Variants in GUCY1A2 observed in about 807,000 individuals in gnomAD.
The protein encoded by GUCY1A2 is guanylate cyclase 1 soluble subunit alpha 2, also known as guanylate cyclase soluble subunit alpha-2.
Under a neutral mutation model 63.5 loss-of-function variants are expected in GUCY1A2, and 27 were observed. The observed-to-expected ratio is 0.43, with a 90% CI of 0.31 to 0.59. The LOEUF (loss-of-function observed/expected upper bound fraction) is 0.59. Among genes scored for constraint, GUCY1A2 ranks in the 20% least tolerant of loss-of-function variants. The pLI is 0.11. For missense variants in GUCY1A2, 768 were observed against 913.3 expected (o/e 0.84, Z 2.05); for synonymous variants, 364 against 343.5 (o/e 1.06, Z -0.66).
At position 106,966,241 on chromosome 11, in the gene GUCY1A2, G is replaced by A. The variant is rs1484359506; in HGVS notation, c.487+12378C>T. 1.3e-5 allele frequency among the ~76,000 whole-genome samples: 2 copies of A among 152,002 alleles called. 1 individual carries two copies. Among genetic ancestry groups the A allele is most frequent in the Non-Finnish European group, 2.9e-5 (2 of 68,002 alleles). On this transcript the variant is annotated intron_variant, in intron 3 of 7. Transcript: ENST00000526355. Reference sequence around the variant, plus strand: ...TCCTGCCTCAGCCTCCTGAGTAGCTGGGATTACAGGTGCCCATACCAGGCC... The same window carrying A: ...TCCTGCCTCAGCCTCCTGAGTAGCTAGGATTACAGGTGCCCATACCAGGCC...
chr11:106,713,496 CTTTTTTTTTTTTT>C (rs143909145), intron 6 of GUCY1A2, among the ~76,000 whole-genome samples: 2 of 78,354 alleles, frequency 2.6e-5, no homozygotes, highest in South Asian at 5.8e-4. Flanking sequence ...TAGTATGTTT[CTTTTTTTTTTTTT>C]TTTTTTTTTT....
chr11:106,882,388 T>C (rs946600126), intron 4 of GUCY1A2, among the ~76,000 whole-genome samples: 9 of 151,972 alleles, frequency 5.9e-5, no homozygotes, highest in African/African-American at 2.2e-4. Flanking sequence ...TTTTCCCCAA[T>C]AGCAGCAGCT....
intron 4 of GUCY1A2, among the ~76,000 whole-genome samples, chr11:106,905,634 T>C (rs1175865647): frequency 6.6e-6 from 1 of 152,050 alleles, no homozygotes; most frequent in Non-Finnish European, 1.5e-5. Context: ...CAAGACCCTG[T>C]GAAGTTGCAG....
chr11:106,781,633 G>T (rs1474665469), intron 5 of GUCY1A2, among the ~76,000 whole-genome samples: 1 of 152,012 alleles, frequency 6.6e-6, no homozygotes, highest in South Asian at 2.1e-4. Flanking sequence ...GCATGATGTG[G>T]GCTCTCTGCA....
At chr11:106,767,912 T>C (rs1237900161) in intron 6 of GUCY1A2, among the ~76,000 whole-genome samples, 2 of 152,146 alleles carry the variant, frequency 1.3e-5, no homozygotes, top group Non-Finnish European at 2.9e-5. Context: ...AAATAGAATA[T>C]GACCTAATCT....
intron 6 of GUCY1A2, among the ~76,000 whole-genome samples, chr11:106,732,879 T>C (rs906849353): frequency 4.2e-4 from 64 of 152,292 alleles, no homozygotes; most frequent in African/African-American, 1.5e-3. Context: ...TGGAATAAAA[T>C]GTAGCCTAGA....
chr11:106,804,052 A>G (rs1858646663), intron 5 of GUCY1A2, among the ~76,000 whole-genome samples: 1 of 152,204 alleles, frequency 6.6e-6, no homozygotes, highest in South Asian at 2.1e-4. Context: ...GTTCTTTTCT[A>G]TTCATTAAAA....
At chr11:106,829,787 A>C (rs1352324068) in intron 4 of GUCY1A2, among the ~76,000 whole-genome samples, 1 of 152,134 alleles carries the variant, frequency 6.6e-6, no homozygotes, top group Non-Finnish European at 1.5e-5. Context: ...AATACAGGAG[A>C]TCCCTTAGAG....
intron 1 of GUCY1A2, among the ~76,000 whole-genome samples, chr11:107,016,146 C>T (rs1861820412): frequency 6.6e-6 from 1 of 152,162 alleles, no homozygotes; most frequent in South Asian, 2.1e-4. Flanking sequence ...TTCTTAGGTC[C>T]CCCCTACCAT....
At chr11:106,817,629 T>A (rs1327007565) in intron 4 of GUCY1A2, among the ~76,000 whole-genome samples, 2 of 151,984 alleles carry the variant, frequency 1.3e-5, no homozygotes, top group African/African-American at 4.8e-5. Flanking sequence ...GTATCCAAAA[T>A]ATATAAAGAA....
At chr11:106,810,520 A>G (rs1182442176) in intron 4 of GUCY1A2, 42 bp from the exon 5 acceptor site, 6 of 1,496,554 alleles carry the variant, frequency 4.0e-6, no homozygotes, top group Non-Finnish European at 4.5e-6. Context: ...CTCTTCACAT[A>G]GTAGGTTCAC....
chr11:106,797,136 A>C (rs917332820), intron 5 of GUCY1A2, among the ~76,000 whole-genome samples: 1 of 152,134 alleles, frequency 6.6e-6, no homozygotes, highest in Admixed American at 6.6e-5. Flanking sequence ...CGGGTCATTT[A>C]AGGACTTCTC....
rs148182007 is a variant in GUCY1A2, at chr11:106,733,682, C to T, written c.1837-25016G>A. Among the ~76,000 whole-genome samples the T allele has an allele frequency of 9.3e-5, 14 of 150,900 alleles. No homozygotes were observed. The East Asian group carries it at 1.2e-3, about 13-fold the overall frequency. On this transcript the variant is annotated intron_variant, in intron 6 of 7. Transcript: ENST00000526355. Reference sequence around the variant, plus strand: ...GTTTAGAAGTACTGAGCGAGCTGACCGAGTGGTGGGGACAGGCCAGGGGAA... The same window carrying T: ...GTTTAGAAGTACTGAGCGAGCTGACTGAGTGGTGGGGACAGGCCAGGGGAA...
intron 3 of GUCY1A2, among the ~76,000 whole-genome samples, chr11:106,974,946 A>G (rs1457961299): frequency 6.6e-6 from 1 of 152,094 alleles, no homozygotes; most frequent in Non-Finnish European, 1.5e-5. Flanking sequence ...TCCTCAGTAA[A>G]TGAATTAACC....
intron 6 of GUCY1A2, among the ~76,000 whole-genome samples, chr11:106,729,846 A>C (rs1863469412): frequency 6.6e-6 from 1 of 151,566 alleles, no homozygotes; most frequent in Non-Finnish European, 1.5e-5. Flanking sequence ...TTGTATTTTA[A>C]TTATTTTTTA....
At chr11:106,967,507 T>C (rs1384786720) in intron 3 of GUCY1A2, among the ~76,000 whole-genome samples, 3 of 152,202 alleles carry the variant, frequency 2.0e-5, no homozygotes, top group Middle Eastern at 3.4e-3. Flanking sequence ...ATTAATGACA[T>C]GGGATGAATA....
intron 4 of GUCY1A2, among the ~76,000 whole-genome samples, chr11:106,893,898 T>A (rs1216562476): frequency 2.6e-5 from 4 of 152,198 alleles, no homozygotes. Context: ...ACTTTTGTGA[T>A]TATTACTTCA....
chr11:106,936,712 T>A (rs1860682485), intron 4 of GUCY1A2: 1 of 1,474,770 alleles, frequency 6.8e-7, no homozygotes, highest in Non-Finnish European at 9.0e-7. Flanking sequence ...ACATGCTTGC[T>A]CTTGATTTTT....
intron 6 of GUCY1A2, among the ~76,000 whole-genome samples, chr11:106,713,496 CTTTTTTTTTTT>C (rs143909145): frequency 2.6e-5 from 2 of 78,394 alleles, no homozygotes; most frequent in African/African-American, 1.1e-4. Context: ...TAGTATGTTT[CTTTTTTTTTTT>C]TTTTTTTTTT....
Sources: allele counts gnomAD v4.1 joint callset (sites outside exome capture counted in the v4.1 genomes callset), GRCh38; gene constraint gnomAD v4.1.1; transcripts MANE v1.5; gene names NCBI Gene and HGNC (gene_info 2026-07-23, HGNC 2026-07-21).